The following RHOT1 variants were observed in gnomAD, a reference collection of about 807,000 sequenced individuals.
RHOT1 encodes the protein mitochondrial Rho GTPase 1.
A neutral mutation model predicts 95.3 loss-of-function variants in RHOT1; 27 were observed. The observed-to-expected ratio is 0.28, with a 90% CI of 0.21 to 0.39. RHOT1 has a LOEUF of 0.39. RHOT1 is among the 10% of genes least tolerant of loss of function. RHOT1 has a pLI of 1.00. For synonymous variants in RHOT1, 227 were observed against 263.5 expected (o/e 0.86, Z 1.34); for missense variants, 578 against 786.7 (o/e 0.73, Z 3.17).
intron 1 of RHOT1, among the ~76,000 whole-genome samples, chr17:32,143,939 C>T (rs565159903): frequency 1.3e-5 from 2 of 152,298 alleles, no homozygotes; most frequent in African/African-American, 4.8e-5. Flanking sequence ...CATCCACCTG[C>T]TGTTTGGAGA....
chr17:32,192,741 G>A (rs1439215748), intron 9 of RHOT1, among the ~76,000 whole-genome samples: 5 of 148,848 alleles, frequency 3.4e-5, no homozygotes, highest in Admixed American at 2.7e-4. Context: ...GCGCCATCTC[G>A]GCTCACTGCA....
chr17:32,199,369 G>A, intron 12 of RHOT1, 36 bp from the exon 13 acceptor site: 1 of 1,577,946 alleles, frequency 6.3e-7, no homozygotes, highest in Non-Finnish European at 8.6e-7. Flanking sequence ...TATTATCTTA[G>A]ATATCTAAAC....
chr17:32,175,959 T>A lies in RHOT1; in HGVS notation c.223-3T>A. The stretch of plus-strand genomic sequence containing the variant: ...ACGATTAATTTGTTAATTTTTCTTC[T>A]AGGCTAATGTCATCTGTATAGTGTA... On this transcript the variant is annotated splice_polypyrimidine_tract_variant and splice_region_variant and intron_variant, in intron 4 of 19. Coordinates refer to ENST00000545287, the MANE Select transcript of RHOT1 (RefSeq NM_001033566.3). The A allele has an allele frequency of 6.5e-7, 1 of 1,543,836 alleles. No homozygotes were observed. The highest frequency in any genetic ancestry group is 8.7e-7 in the Non-Finnish European group (1 of 1,149,268).
chr17:32,210,561 A>G (rs2038059322), intron 18 of RHOT1, among the ~76,000 whole-genome samples: 1 of 152,180 alleles, frequency 6.6e-6, no homozygotes, highest in Non-Finnish European at 1.5e-5. Flanking sequence ...TTCCTTTGAG[A>G]GCCAGGGTGC....
At chr17:32,182,976 A>T (rs900298858) in intron 7 of RHOT1, 111 bp downstream of exon 7, 1 of 812,120 alleles carries the variant, frequency 1.2e-6, no homozygotes. Flanking sequence ...CTATTTGTGA[A>T]GTCACGTAAA....
At chr17:32,202,014 C>T (rs573546149) in intron 14 of RHOT1, among the ~76,000 whole-genome samples, 3 of 152,202 alleles carry the variant, frequency 2.0e-5, no homozygotes, top group African/African-American at 4.8e-5. Context: ...TGGGTTCAAG[C>T]GATTCAGCTG....
At chr17:32,161,041 C>T (rs2142442910) in intron 1 of RHOT1, among the ~76,000 whole-genome samples, 1 of 152,308 alleles carries the variant, frequency 6.6e-6, no homozygotes, top group South Asian at 2.1e-4. Flanking sequence ...GGTTCTTCTG[C>T]CTGCTACACA....
At chr17:32,200,325 A>T (rs555700934) in intron 13 of RHOT1, among the ~76,000 whole-genome samples, 1 of 152,040 alleles carries the variant, frequency 6.6e-6, no homozygotes, top group Non-Finnish European at 1.5e-5. Context: ...GGTAGATCGC[A>T]TAAAATATCC....
intron 19 of RHOT1, among the ~76,000 whole-genome samples, chr17:32,222,092 A>C (rs886355913): frequency 3.9e-5 from 6 of 152,218 alleles, no homozygotes; most frequent in African/African-American, 1.4e-4. Flanking sequence ...TAAATGTAAA[A>C]ATGTAAAAAT....
intron 10 of RHOT1, 75 bp from the exon 11 acceptor site, chr17:32,193,912 G>C (rs971399822): frequency 4.1e-5 from 63 of 1,546,886 alleles, no homozygotes; most frequent in Non-Finnish European, 5.5e-5. Flanking sequence ...CATGAATCTG[G>C]TTCTTGCCAT....
intron 1 of RHOT1, among the ~76,000 whole-genome samples, chr17:32,168,572 CAT>C (rs1359784699): frequency 6.7e-6 from 1 of 150,372 alleles, no homozygotes; most frequent in Non-Finnish European, 1.5e-5. Flanking sequence ...CTGCACCAGA[CAT>C]ATATATATAC....
intron 1 of RHOT1, among the ~76,000 whole-genome samples, chr17:32,144,022 AATTTTT>A (rs1371146669): frequency 6.6e-6 from 1 of 152,102 alleles, no homozygotes; most frequent in Admixed American, 6.5e-5. Context: ...TGCAGTTGTA[AATTTTT>A]ATTTTTATTT....
At chr17:32,187,318 A>G (rs371502350) in intron 8 of RHOT1, among the ~76,000 whole-genome samples, 13 of 151,898 alleles carry the variant, frequency 8.6e-5, no homozygotes, top group African/African-American at 2.4e-4. Context: ...GGTCCTTGCT[A>G]TATTGCCCAG....
intron 11 of RHOT1, among the ~76,000 whole-genome samples, chr17:32,196,083 C>T (rs1316573901): frequency 6.6e-6 from 1 of 152,068 alleles, no homozygotes; most frequent in Non-Finnish European, 1.5e-5. Flanking sequence ...AAACCCTCTG[C>T]ATCTATCCTT....
chr17:32,165,016 C>CA (rs1358032115), intron 1 of RHOT1, among the ~76,000 whole-genome samples: 3 of 150,844 alleles, frequency 2.0e-5, no homozygotes, highest in Non-Finnish European at 1.5e-5. Flanking sequence ...AACAGCAAAA[C>CA]AAAAAACAAA....
intron 8 of RHOT1, among the ~76,000 whole-genome samples, chr17:32,189,763 G>A (rs2036344360): frequency 1.5e-5 from 2 of 132,370 alleles, no homozygotes; most frequent in Admixed American, 8.1e-5. Context: ...TTGAGATGGA[G>A]TCTCTGTCTC....
chr17:32,209,180 A>G (rs1350861996), intron 18 of RHOT1: 4 of 381,542 alleles, frequency 1.0e-5, no homozygotes, highest in Non-Finnish European at 1.9e-5. Flanking sequence ...CAGATTTTTA[A>G]AGTCAGTTAA....
rs1260494889 is a variant in RHOT1 at position 32,224,902 on chromosome 17, CT to C, written c.*170del. On this transcript the variant is annotated 3_prime_UTR_variant, in exon 20 of 20. Transcript: ENST00000545287. ...ATGATAGTTATAACTGCAGTATTGG[CT>C]AGCATATGGAAAGAAAACAGCTAAC... 1.3e-5 allele frequency: 6 copies of C among 445,422 alleles called. No homozygotes were observed. Among genetic ancestry groups the C allele is most frequent in the Non-Finnish European group, 2.4e-5 (6 of 247,564 alleles). 27.6% of individuals were successfully genotyped at this position (445,422 alleles called of 1,614,324 possible).
intron 19 of RHOT1, chr17:32,211,498 C>A: frequency 3.8e-6 from 1 of 265,838 alleles, no homozygotes; most frequent in Non-Finnish European, 7.0e-6. Context: ...AATTATCTTT[C>A]CTATTAAAAG....
Sources: gnomAD v4.1 joint callset for allele counts (sites outside exome capture counted in the v4.1 genomes callset) on GRCh38, gnomAD v4.1.1 for gene constraint, MANE v1.5 for transcripts, NCBI Gene and HGNC (gene_info 2026-07-23, HGNC 2026-07-21) for gene names.